Variants in ATP8B4 observed in about 807,000 individuals in gnomAD.
The protein encoded by ATP8B4 is ATPase phospholipid transporting 8B4 (putative), also known as probable phospholipid-transporting ATPase IM.
A neutral mutation model predicts 145.6 loss-of-function variants in ATP8B4; 133 were observed. The ratio of observed to expected loss-of-function variants is 0.91; its 90% CI spans 0.79 to 1.05. ATP8B4 has a LOEUF of 1.05. Among genes scored for constraint, ATP8B4 ranks in the 50% least tolerant of loss-of-function variants. The pLI is 0.00. For missense variants in ATP8B4, 1,458 were observed against 1,425.2 expected, an observed-to-expected ratio of 1.02 and a Z score of -0.37; for synonymous variants, 507 against 492.9, an observed-to-expected ratio of 1.03 and a Z score of -0.38.
rs2039990420 is a variant in ATP8B4, at chr15:49,918,856, A to G, written c.2018T>C (p.Leu673Pro). 1 of 1,610,520 alleles carries G rather than the reference A, an allele frequency of 6.2e-7. No individual in the cohort carries two copies. Among genetic ancestry groups the G allele is most frequent in the Non-Finnish European group, 8.5e-7 (1 of 1,177,228 alleles). The change falls in exon 19 of 28, where the codon CTA becomes CCA. Residue 673 changes from leucine (L) to proline (P), a missense_variant. Transcript: ENST00000284509. ...LSLANIKIWV[L>P]TGDKQETAIN... ...CAAGTTACCTTGTTTGTCTCCTGTTAGGACCCAGATCTTAATATTGGCTAG... is the reference window on the plus strand; with the variant it reads ...CAAGTTACCTTGTTTGTCTCCTGTTGGGACCCAGATCTTAATATTGGCTAG...
Position 49,859,459 on chromosome 15 carries a change from T to C in ATP8B4, c.*735A>G, listed in dbSNP as rs771009277. The C allele has an allele frequency of 2.0e-5, 3 of 152,242 alleles. No homozygotes were observed. The highest frequency in any genetic ancestry group is 2.9e-5 in the Non-Finnish European group (2 of 68,040). The allele number at this position is 152,242 out of a possible 1,614,324, so 9.4% of individuals were successfully genotyped here. On this transcript the variant is annotated 3_prime_UTR_variant, in exon 28 of 28. Coordinates refer to ENST00000284509, the MANE Select transcript of ATP8B4 (RefSeq NM_024837.4). Reference sequence around the variant, plus strand: ...ATTGAAAAGTATTTAGAATACTTAGTGGCGAGCCTCTCTCACATTTCATAA... The same window carrying C: ...ATTGAAAAGTATTTAGAATACTTAGCGGCGAGCCTCTCTCACATTTCATAA...
rs2044770568 is a variant in ATP8B4, at chr15:50,176,822, CTG to C, written c.-43+5437_-43+5438del. 2.0e-5 allele frequency among the ~76,000 whole-genome samples: 3 copies of C among 152,192 alleles called. 1 individual carries two copies. The highest frequency in any genetic ancestry group is 2.0e-4 in the Admixed American group (3 of 15,280). ...TTTCTCAAATTATAAATTGTCCTGA[CTG>C]TGTAGCAAGCACAACTGGGATGCCA... On this transcript the variant is annotated intron_variant, in intron 1 of 3. Transcript: ENST00000558829.
intron 1 of ATP8B4, among the ~76,000 whole-genome samples, chr15:50,180,867 AG>A (rs757604017): frequency 1.2e-4 from 19 of 152,124 alleles, no homozygotes; most frequent in Non-Finnish European, 2.5e-4. Flanking sequence ...AAAAAACGGC[AG>A]GGGGTGGCCT....
chr15:50,168,175 G>A (rs570749520), intron 1 of ATP8B4, among the ~76,000 whole-genome samples: 3 of 152,270 alleles, frequency 2.0e-5, no homozygotes, highest in East Asian at 3.9e-4. Flanking sequence ...CAACACATTC[G>A]GGAATGAAGA....
At chr15:49,981,109 C>A in intron 11 of ATP8B4, 97 bp downstream of exon 11, 1 of 1,045,886 alleles carries the variant, frequency 9.6e-7, no homozygotes, top group Non-Finnish European at 1.4e-6. Context: ...ACAAACTCCA[C>A]AAGGAGAATG....
intron 11 of ATP8B4, among the ~76,000 whole-genome samples, chr15:49,980,689 A>G (rs2046078395): frequency 6.6e-6 from 1 of 152,232 alleles, no homozygotes; most frequent in Non-Finnish European, 1.5e-5. Context: ...AACCACCTAC[A>G]TAATTTGCAG....
At chr15:49,942,949 C>T (rs1168180644) in intron 14 of ATP8B4, among the ~76,000 whole-genome samples, 1 of 152,134 alleles carries the variant, frequency 6.6e-6, no homozygotes, top group African/African-American at 2.4e-5. Flanking sequence ...AGATGCTCTA[C>T]AAGCTCAAGA....
intron 1 of ATP8B4, 78 bp from the exon 2 acceptor site, chr15:50,107,086 T>C: frequency 5.6e-6 from 5 of 897,006 alleles, no homozygotes; most frequent in Non-Finnish European, 6.5e-6. Context: ...ACTTTCTTCC[T>C]AGACAAATCT....
chr15:50,161,289 T>G (rs1253197079), intron 1 of ATP8B4, among the ~76,000 whole-genome samples: 1 of 152,088 alleles, frequency 6.6e-6, no homozygotes, highest in Non-Finnish European at 1.5e-5. Flanking sequence ...TTGTAAGCAA[T>G]AGATCATTGG....
intron 3 of ATP8B4, among the ~76,000 whole-genome samples, chr15:50,053,738 G>A (rs2052367421): frequency 2.0e-5 from 3 of 152,038 alleles, no homozygotes; most frequent in Admixed American, 2.0e-4. Context: ...TGAAGGTGGG[G>A]AATAAAGTAA....
intron 13 of ATP8B4, among the ~76,000 whole-genome samples, chr15:49,963,770 G>C (rs1184631925): frequency 6.6e-6 from 1 of 152,242 alleles, no homozygotes; most frequent in Non-Finnish European, 1.5e-5. Flanking sequence ...TGGGAAGGGA[G>C]AGCATCAAGA....
intron 23 of ATP8B4, among the ~76,000 whole-genome samples, chr15:49,885,438 T>C (rs1302566684): frequency 6.6e-6 from 1 of 152,136 alleles, no homozygotes; most frequent in Non-Finnish European, 1.5e-5. Context: ...TAGAATATAA[T>C]CTCCATGAAA....
chr15:50,049,386 T>C (rs983866889), intron 3 of ATP8B4, among the ~76,000 whole-genome samples: 7 of 152,208 alleles, frequency 4.6e-5, no homozygotes, highest in Non-Finnish European at 8.8e-5. Flanking sequence ...CACTCATAAG[T>C]GAGAACTTGC....
intron 1 of ATP8B4, among the ~76,000 whole-genome samples, chr15:50,136,545 G>C (rs1483003196): frequency 6.6e-6 from 1 of 152,222 alleles, no homozygotes; most frequent in Non-Finnish European, 1.5e-5. Flanking sequence ...TATCCTAATT[G>C]TTTCCTTTGC....
chr15:50,103,012 AT>A (rs1241185108), intron 2 of ATP8B4, among the ~76,000 whole-genome samples: 1 of 152,182 alleles, frequency 6.6e-6, no homozygotes, highest in Non-Finnish European at 1.5e-5. Context: ...ATCTCAATAG[AT>A]GCAGAAAAAG....
intron 20 of ATP8B4, among the ~76,000 whole-genome samples, chr15:49,908,769 A>G (rs997517533): frequency 2.0e-5 from 3 of 151,994 alleles, no homozygotes; most frequent in Non-Finnish European, 4.4e-5. Context: ...AGCCACCACC[A>G]CTGCCACCAC....
intron 3 of ATP8B4, among the ~76,000 whole-genome samples, chr15:50,067,336 T>G (rs1300553870): frequency 1.3e-5 from 2 of 152,162 alleles, no homozygotes; most frequent in Non-Finnish European, 2.9e-5. Flanking sequence ...ACTCTCTTTT[T>G]AAATAGTCTG....
At chr15:49,875,933 A>G (rs897195695) in intron 25 of ATP8B4, among the ~76,000 whole-genome samples, 10 of 152,202 alleles carry the variant, frequency 6.6e-5, no homozygotes, top group Non-Finnish European at 1.2e-4. Context: ...AGTCTTAAAG[A>G]AATCATGGGA....
chr15:49,916,578 T>C (rs2039761491), intron 20 of ATP8B4, among the ~76,000 whole-genome samples: 1 of 152,170 alleles, frequency 6.6e-6, no homozygotes, highest in Non-Finnish European at 1.5e-5. Flanking sequence ...AGCTAGGGCA[T>C]TGGTATTTTT....
Sources: allele counts gnomAD v4.1 joint callset (sites outside exome capture counted in the v4.1 genomes callset), GRCh38; gene constraint gnomAD v4.1.1; transcripts MANE v1.5; gene names NCBI Gene and HGNC (gene_info 2026-07-23, HGNC 2026-07-21).